Variants in ADAMTS17 observed in about 807,000 individuals in gnomAD.
ADAMTS17 encodes the protein ADAM metallopeptidase with thrombospondin type 1 motif 17.
A neutral mutation model predicts 141.5 loss-of-function variants in ADAMTS17; 113 were observed. The ratio of observed to expected loss-of-function variants is 0.80; its 90% CI spans 0.69 to 0.93. ADAMTS17 has a LOEUF of 0.93. Ranked by LOEUF, ADAMTS17 falls within the 40% of genes least tolerant of loss-of-function variation. The pLI is 0.00. For missense variants in ADAMTS17, 1,659 were observed against 1,517.9 expected, an observed-to-expected ratio of 1.09 and a Z score of -1.54; for synonymous variants, 768 against 630.6, an observed-to-expected ratio of 1.22 and a Z score of -3.27.
intron 2 of ADAMTS17, among the ~76,000 whole-genome samples, chr15:100,334,225 A>G (rs986878253): frequency 2.0e-5 from 3 of 152,244 alleles, no homozygotes; most frequent in Admixed American, 2.0e-4. Flanking sequence ...TTTATCACCT[A>G]ACGTTAGCAC....
intron 17 of ADAMTS17, 50 bp downstream of exon 17, chr15:100,051,522 T>C: frequency 6.2e-7 from 1 of 1,611,578 alleles, no homozygotes; most frequent in South Asian, 1.1e-5. Context: ...CCTTTCTCCT[T>C]CCTTCAGCAA....
intron 7 of ADAMTS17, among the ~76,000 whole-genome samples, chr15:100,205,369 G>A (rs994278715): frequency 1.3e-5 from 2 of 152,200 alleles, no homozygotes; most frequent in African/African-American, 4.8e-5. Context: ...ACCAAAACAT[G>A]CCGGGAGAGG....
At chr15:100,248,173 C>CCT (rs1232154534) in intron 7 of ADAMTS17, among the ~76,000 whole-genome samples, 1 of 152,134 alleles carries the variant, frequency 6.6e-6, no homozygotes, top group East Asian at 1.9e-4. Flanking sequence ...TAGGATCACC[C>CCT]CTCTCCCTCA....
At chr15:100,129,903 G>T (rs935581177) in intron 12 of ADAMTS17, among the ~76,000 whole-genome samples, 2 of 152,146 alleles carry the variant, frequency 1.3e-5, no homozygotes, top group Non-Finnish European at 2.9e-5. Flanking sequence ...AACCAACAGG[G>T]TCAGGCCCAA....
intron 18 of ADAMTS17, among the ~76,000 whole-genome samples, chr15:100,042,040 C>T (rs1235307874): frequency 1.3e-5 from 2 of 152,124 alleles, no homozygotes; most frequent in Non-Finnish European, 2.9e-5. Context: ...GCGCTTCTTC[C>T]AGGTTCCAGG....
chr15:100,120,467 C>G (rs1447119684), intron 12 of ADAMTS17, among the ~76,000 whole-genome samples: 2 of 152,166 alleles, frequency 1.3e-5, no homozygotes, highest in Non-Finnish European at 2.9e-5. Context: ...TGTTAAGGTG[C>G]AGATGCAGAA....
intron 3 of ADAMTS17, among the ~76,000 whole-genome samples, chr15:100,288,881 T>A (rs1449525817): frequency 2.6e-5 from 4 of 152,140 alleles, no homozygotes; most frequent in African/African-American, 4.8e-5. Context: ...AAATGCCAAA[T>A]GCTCTCATCA....
In ADAMTS17 at chr15:100,109,126, G is replaced by GA; in HGVS notation, c.1889-11dup. 1 of 1,606,530 alleles carries GA rather than the reference G, an allele frequency of 6.2e-7. No individual in the cohort carries two copies. Among genetic ancestry groups the GA allele is most frequent in the East Asian group, 2.2e-5 (1 of 44,456 alleles). ...AGTTCACATGGCTTATCTGAGGAGG[G>GA]AAAGGTTGGAGGACGTTGACACGGG... On this transcript the variant is annotated splice_polypyrimidine_tract_variant and intron_variant, in intron 13 of 21. Coordinates refer to ENST00000268070, the MANE Select transcript of ADAMTS17 (RefSeq NM_139057.4).
chr15:100,262,528 A>G, intron 4 of ADAMTS17, 93 bp from the exon 5 acceptor site: 1 of 902,846 alleles, frequency 1.1e-6, no homozygotes. Flanking sequence ...CACAGAAAAG[A>G]GATTATGTAA....
At chr15:100,073,508 C>T (rs942276975) in intron 15 of ADAMTS17, among the ~76,000 whole-genome samples, 2 of 151,818 alleles carry the variant, frequency 1.3e-5, no homozygotes, top group African/African-American at 4.9e-5. Flanking sequence ...GACTTGGAAC[C>T]AACCCAAATG....
chr15:100,135,595 T>C (rs1399824014), intron 10 of ADAMTS17, among the ~76,000 whole-genome samples: 1 of 152,196 alleles, frequency 6.6e-6, no homozygotes, highest in Non-Finnish European at 1.5e-5. Flanking sequence ...AATTAACAAC[T>C]TCTGTTTACC....
chr15:99,973,979 C>A lies in ADAMTS17; in HGVS notation c.*423G>T, dbSNP rs987382326. 2.2e-5 allele frequency: 4 copies of A among 184,208 alleles called. No homozygotes were observed. Among genetic ancestry groups the A allele is most frequent in the Non-Finnish European group, 3.0e-5 (3 of 99,976 alleles). 11.4% of individuals were successfully genotyped at this position (184,208 alleles called of 1,614,324 possible). ...ACACCTGCCCCTCCCTCCATGGTGT[C>A]GCCGGCTTTCAGAATAAAGCCTTTT... On this transcript the variant is annotated 3_prime_UTR_variant, in exon 22 of 22. Transcript: ENST00000268070.
At chr15:100,090,458 A>C (rs1037422201) in intron 15 of ADAMTS17, among the ~76,000 whole-genome samples, 1 of 152,134 alleles carries the variant, frequency 6.6e-6, no homozygotes, top group Non-Finnish European at 1.5e-5. Flanking sequence ...CCCTCATTCC[A>C]CAGCAAGGTC....
intron 18 of ADAMTS17, among the ~76,000 whole-genome samples, chr15:100,027,055 C>A (rs977120476): frequency 6.6e-6 from 1 of 152,166 alleles, no homozygotes; most frequent in Non-Finnish European, 1.5e-5. Context: ...CAGGTGAAGG[C>A]ATTATGGGCA....
At chr15:100,296,292 G>GT (rs1567503225) in intron 3 of ADAMTS17, among the ~76,000 whole-genome samples, 1 of 151,860 alleles carries the variant, frequency 6.6e-6, no homozygotes, top group Non-Finnish European at 1.5e-5. Context: ...CAAAAGATCT[G>GT]TTTATAGAAA....
At chr15:100,338,919 G>A (rs987657332) in intron 2 of ADAMTS17, 15 of 982,072 alleles carry the variant, frequency 1.5e-5, no homozygotes, top group African/African-American at 1.4e-4. Context: ...TTTTCTTTAC[G>A]CTTTCAGGAC....
In ADAMTS17 at chr15:100,173,185, A is replaced by AT. The variant is rs201395610; in HGVS notation, c.1182-17866dup. 3.0e-3 allele frequency among the ~76,000 whole-genome samples: 450 copies of AT among 151,596 alleles called. 2 individuals carry two copies. Among genetic ancestry groups the AT allele is most frequent in the Non-Finnish European group, 5.4e-3 (366 of 67,768 alleles). ...TCCATTTTTCTAAGATAGTTTAATTATTTTTTTTCTTTTCTTTTCTCTTTC... is the reference window on the plus strand; with the variant it reads ...TCCATTTTTCTAAGATAGTTTAATTATTTTTTTTTCTTTTCTTTTCTCTTTC... On this transcript the variant is annotated intron_variant, in intron 8 of 21. Coordinates refer to ENST00000268070, the MANE Select transcript of ADAMTS17 (RefSeq NM_139057.4).
intron 13 of ADAMTS17, among the ~76,000 whole-genome samples, chr15:100,110,623 T>C (rs182045238): frequency 1.1e-4 from 16 of 152,294 alleles, no homozygotes; most frequent in South Asian, 4.2e-4. Flanking sequence ...CTGTAAGTAA[T>C]TGAGCAAGAG....
intron 7 of ADAMTS17, among the ~76,000 whole-genome samples, chr15:100,243,672 C>A (rs2042895456): frequency 6.6e-6 from 1 of 151,998 alleles, no homozygotes; most frequent in African/African-American, 2.4e-5. Context: ...TGCCTGTAAT[C>A]CCAGCTACGT....
Sources: allele counts gnomAD v4.1 joint callset (sites outside exome capture counted in the v4.1 genomes callset), GRCh38; gene constraint gnomAD v4.1.1; transcripts MANE v1.5; gene names NCBI Gene and HGNC (gene_info 2026-07-23, HGNC 2026-07-21).